The following MTDH variants were observed in gnomAD, a reference collection of about 807,000 sequenced individuals.
MTDH encodes the protein metadherin.
MTDH carries 34 observed loss-of-function variants against 72.7 expected under a neutral mutation model. The observed-to-expected ratio is 0.47, with a 90% CI of 0.36 to 0.62. MTDH has a LOEUF of 0.62. MTDH is among the 20% of genes least tolerant of loss of function. MTDH has a pLI of 0.00. For synonymous variants in MTDH, 266 were observed against 268.9 expected (o/e 0.99, Z 0.10); for missense variants, 677 against 699.4 (o/e 0.97, Z 0.36).
chr8:97,702,034 G>T (rs890676389), intron 7 of MTDH, among the ~76,000 whole-genome samples: 3 of 152,206 alleles, frequency 2.0e-5, no homozygotes, highest in South Asian at 2.1e-4. Flanking sequence ...TTGGTGCTCA[G>T]TGAATTTAGT....
At position 97,722,800 on chromosome 8, in the gene MTDH, C is replaced by T. The variant is rs977452608; in HGVS notation, c.1522-79C>T. 1.6e-5 allele frequency: 22 copies of T among 1,418,732 alleles called. No individual in the cohort carries two copies. The Admixed American group carries it at 3.8e-4, about 24-fold the overall frequency. 87.9% of individuals were successfully genotyped at this position (1,418,732 alleles called of 1,614,324 possible). A position where few individuals can be genotyped will look rare whatever the true frequency, so the allele number is the denominator to read the frequency against. On this transcript the variant is annotated intron_variant, in intron 10 of 11. Transcript: ENST00000336273. ...TTAGTATTGAATTGCTGCTAAACCA[C>T]CTCTTGGTATTACTGTGATATTTAA... is the stretch of plus-strand genomic sequence containing the variant.
chr8:97,668,266 G>A (rs1477863280), intron 2 of MTDH, among the ~76,000 whole-genome samples: 2 of 151,968 alleles, frequency 1.3e-5, no homozygotes, highest in African/African-American at 4.8e-5. Flanking sequence ...CAGCCTGGGC[G>A]ACAAAGCTAG....
chr8:97,698,627 C>G (rs1363514369), intron 6 of MTDH, among the ~76,000 whole-genome samples: 1 of 152,222 alleles, frequency 6.6e-6, no homozygotes, highest in African/African-American at 2.4e-5. Context: ...CTTCTTGTCT[C>G]TTTGGCTTCT....
At position 97,725,319 on chromosome 8, in the gene MTDH, C is replaced by T. The variant is rs1815311682; in HGVS notation, c.*649C>T. The stretch of plus-strand genomic sequence containing the variant: ...TATGAAGTTATTTTTGATAGTCTTA[C>T]ATTACTTGAATTGTTCAAAGTACAG... On this transcript the variant is annotated 3_prime_UTR_variant, in exon 12 of 12. Coordinates refer to ENST00000336273, the MANE Select transcript of MTDH (RefSeq NM_178812.4). 6.6e-6 allele frequency: 1 copy of T among 152,542 alleles called. No individual in the cohort carries two copies. Among genetic ancestry groups the T allele is most frequent in the South Asian group, 2.1e-4 (1 of 4,834 alleles). 9.4% of individuals were successfully genotyped at this position (152,542 alleles called of 1,614,324 possible).
Position 97,644,683 on chromosome 8 carries a change from C to G in MTDH, c.177C>G (p.Leu59=), listed in dbSNP as rs760669200. The G allele has an allele frequency of 6.2e-6, 10 of 1,604,332 alleles. No individual in the cohort carries two copies. Among genetic ancestry groups the G allele is most frequent in the Non-Finnish European group, 8.5e-6 (10 of 1,177,250 alleles). ...TGATCCTGGTGGGCACTGGCGCGCT[C>G]GGGCTGCTGCTGCTGTTTCTGCTGG... ...GWVILVGTGA[L]GLLLLFLLGY... is the part of the protein sequence containing the mutation. The change falls in exon 1 of 12, where the codon CTC becomes CTG. Residue 59 remains leucine, a synonymous_variant. Transcript: ENST00000336273.
chr8:97,693,925 G>A (rs576713313), intron 6 of MTDH, among the ~76,000 whole-genome samples: 24 of 151,914 alleles, frequency 1.6e-4, no homozygotes, highest in Non-Finnish European at 3.5e-4. Context: ...ATGTTGCCCT[G>A]GCTGGTCTCA....
chr8:97,659,024 TC>T (rs1812078086), intron 1 of MTDH, among the ~76,000 whole-genome samples: 2 of 151,944 alleles, frequency 1.3e-5, no homozygotes, highest in South Asian at 4.2e-4. Flanking sequence ...GCATCTGTAG[TC>T]CCAGCTACTT....
chr8:97,697,959 A>G (rs992731528), intron 6 of MTDH, among the ~76,000 whole-genome samples: 13 of 152,180 alleles, frequency 8.5e-5, no homozygotes, highest in African/African-American at 2.9e-4. Flanking sequence ...CAGCTAATAT[A>G]TTAATACATG....
At chr8:97,703,042 T>G (rs1034631663) in intron 7 of MTDH, among the ~76,000 whole-genome samples, 2 of 152,218 alleles carry the variant, frequency 1.3e-5, no homozygotes, top group African/African-American at 4.8e-5. Flanking sequence ...TAAGAAGTTT[T>G]TTGGTACATT....
intron 3 of MTDH, among the ~76,000 whole-genome samples, chr8:97,686,954 G>A (rs966109629): frequency 2.1e-5 from 3 of 141,594 alleles, no homozygotes; most frequent in African/African-American, 8.9e-5. Context: ...GAAGGGAACT[G>A]CCCTGAAATT....
At chr8:97,692,874 C>A (rs184345990) in intron 6 of MTDH, among the ~76,000 whole-genome samples, 1 of 151,794 alleles carries the variant, frequency 6.6e-6, no homozygotes, top group Non-Finnish European at 1.5e-5. Context: ...GGATTACAGG[C>A]GCACACCACC....
chr8:97,676,457 C>T (rs1482477822), intron 2 of MTDH, among the ~76,000 whole-genome samples: 1 of 152,310 alleles, frequency 6.6e-6, no homozygotes, highest in East Asian at 1.9e-4. Flanking sequence ...TTGCAATTCT[C>T]TGTCAAAATC....
intron 2 of MTDH, among the ~76,000 whole-genome samples, chr8:97,668,581 T>C (rs535909416): frequency 6.6e-6 from 1 of 151,468 alleles, no homozygotes; most frequent in South Asian, 2.1e-4. Context: ...TGAGACAGAG[T>C]CTAGCTCTTG....
chr8:97,712,369 C>T (rs1307002340), intron 8 of MTDH, among the ~76,000 whole-genome samples: 2 of 151,988 alleles, frequency 1.3e-5, no homozygotes, highest in African/African-American at 2.4e-5. Flanking sequence ...TTTTTTCACT[C>T]CACATAATTC....
At chr8:97,723,751 AAG>A (rs1491161417) in intron 11 of MTDH, among the ~76,000 whole-genome samples, 14 of 151,020 alleles carry the variant, frequency 9.3e-5, no homozygotes, top group African/African-American at 3.4e-4. Context: ...TCAAAAAAAA[AAG>A]AGAAAATGCT....
intron 2 of MTDH, among the ~76,000 whole-genome samples, chr8:97,679,218 C>CTG (rs1812972992): frequency 6.6e-6 from 1 of 151,934 alleles, no homozygotes; most frequent in South Asian, 2.1e-4. Context: ...TTAAATGGAA[C>CTG]TATGTAAGTA....
In MTDH at chr8:97,725,438, A is replaced by G. The variant is rs976638598; in HGVS notation, c.*768A>G. On this transcript the variant is annotated 3_prime_UTR_variant, in exon 12 of 12. Transcript: ENST00000336273. The stretch of plus-strand genomic sequence containing the variant: ...TAATGCTATTGTTTATGATTTGAAA[A>G]CTTTCAGGCAAAATCCAATTTACAT... 1 of 152,492 alleles carries G rather than the reference A, an allele frequency of 6.6e-6. No individual in the cohort carries two copies. Among genetic ancestry groups the G allele is most frequent in the Admixed American group, 6.6e-5 (1 of 15,264 alleles). 9.4% of individuals were successfully genotyped at this position (152,492 alleles called of 1,614,324 possible). A position where few individuals can be genotyped will look rare whatever the true frequency, so the allele number is the denominator to read the frequency against.
intron 2 of MTDH, among the ~76,000 whole-genome samples, chr8:97,666,664 C>A (rs1812401671): frequency 6.6e-6 from 1 of 152,156 alleles, no homozygotes; most frequent in East Asian, 1.9e-4. Context: ...TATCATGAAC[C>A]AAGGCAGTGG....
At position 97,725,621 on chromosome 8, in the gene MTDH, C is replaced by T. The variant is rs1376165024; in HGVS notation, c.*951C>T. On this transcript the variant is annotated 3_prime_UTR_variant, in exon 12 of 12. Coordinates refer to ENST00000336273, the MANE Select transcript of MTDH (RefSeq NM_178812.4). The stretch of plus-strand genomic sequence containing the variant: ...GCTTTAATTGACATTGTCAACACCT[C>T]CAGTTATCAGGAATACATTTTTTTA... The T allele has an allele frequency of 6.6e-6, 1 of 152,570 alleles. No homozygotes were observed. Among genetic ancestry groups the T allele is most frequent in the Non-Finnish European group, 1.5e-5 (1 of 68,024 alleles). 9.5% of individuals were successfully genotyped at this position (152,570 alleles called of 1,614,324 possible).
Sources: gnomAD v4.1 joint callset for allele counts (sites outside exome capture counted in the v4.1 genomes callset) on GRCh38, gnomAD v4.1.1 for gene constraint, MANE v1.5 for transcripts, NCBI Gene and HGNC (gene_info 2026-07-23, HGNC 2026-07-21) for gene names.